The following TMEM131 variants were observed in gnomAD, a reference collection of about 807,000 sequenced individuals.
TMEM131 encodes transmembrane protein 131, also known as 2610524E03Rik.
In TMEM131, 66 loss-of-function variants were observed where a neutral mutation model predicts 211.6. The observed-to-expected ratio is 0.31, with a 90% CI of 0.26 to 0.38. The LOEUF (loss-of-function observed/expected upper bound fraction) is 0.38, where lower values mean the gene tolerates loss of function less well. Ranked by LOEUF, TMEM131 falls within the 10% of genes least tolerant of loss-of-function variation. TMEM131 has a pLI of 1.00. For synonymous variants in TMEM131, 844 were observed against 841.3 expected (o/e 1.00, Z -0.06); for missense variants, 2,036 against 2,299.3 (o/e 0.89, Z 2.34).
At chr2:97,781,903 C>A (rs1404776708) in intron 31 of TMEM131, among the ~76,000 whole-genome samples, 2 of 152,214 alleles carry the variant, frequency 1.3e-5, no homozygotes, top group African/African-American at 4.8e-5. Flanking sequence ...AAGACAAAGG[C>A]TCCAGGCCAA....
intron 3 of TMEM131, among the ~76,000 whole-genome samples, chr2:97,895,607 G>A (rs866301327): frequency 6.6e-6 from 1 of 152,142 alleles, no homozygotes; most frequent in East Asian, 1.9e-4. Context: ...GAGGGTGTAT[G>A]TGTCCAAGAA....
At chr2:97,819,575 T>C (rs942156699) in intron 11 of TMEM131, among the ~76,000 whole-genome samples, 1 of 152,184 alleles carries the variant, frequency 6.6e-6, no homozygotes, top group African/African-American at 2.4e-5. Context: ...TCATCTGACA[T>C]CCTGTTGCAC....
At chr2:97,768,269 T>C (rs1044597765) in intron 33 of TMEM131, among the ~76,000 whole-genome samples, 6 of 152,150 alleles carry the variant, frequency 3.9e-5, no homozygotes, top group African/African-American at 1.4e-4. Context: ...ATAAAATCTT[T>C]TGTATCTCTT....
intron 1 of TMEM131, among the ~76,000 whole-genome samples, chr2:97,968,918 A>G (rs930657667): frequency 1.5e-5 from 1 of 67,718 alleles, no homozygotes; most frequent in Non-Finnish European, 3.3e-5. Context: ...CCTCATCTCT[A>G]CTAAAGAAAA....
intron 26 of TMEM131, 112 bp downstream of exon 26, chr2:97,797,253 C>A: frequency 9.0e-7 from 1 of 1,107,414 alleles, no homozygotes; most frequent in Non-Finnish European, 1.3e-6. Context: ...ATGTTTTGGA[C>A]AAAGTGAATT....
intron 1 of TMEM131, among the ~76,000 whole-genome samples, chr2:97,964,525 T>C (rs1283678191): frequency 6.6e-6 from 1 of 152,240 alleles, no homozygotes; most frequent in African/African-American, 2.4e-5. Flanking sequence ...CAACTAAGAA[T>C]TGGATCTATT....
chr2:97,957,065 C>T (rs1471273863), intron 1 of TMEM131, among the ~76,000 whole-genome samples: 1 of 150,852 alleles, frequency 6.6e-6, no homozygotes, highest in Non-Finnish European at 1.5e-5. Flanking sequence ...CCACTGCACT[C>T]CAGGCTGGGC....
chr2:97,917,947 C>CTT (rs1239831659), intron 2 of TMEM131, among the ~76,000 whole-genome samples: 1 of 146,072 alleles, frequency 6.8e-6, no homozygotes, highest in Non-Finnish European at 1.5e-5. Context: ...TTTTTTCTCT[C>CTT]TTTTTTTTTT....
chr2:97,783,573 G>C (rs2104849193), intron 31 of TMEM131, among the ~76,000 whole-genome samples: 1 of 151,940 alleles, frequency 6.6e-6, no homozygotes, highest in South Asian at 2.1e-4. Flanking sequence ...ATGACCCCAG[G>C]ACCATGAGAA....
intron 1 of TMEM131, among the ~76,000 whole-genome samples, chr2:97,944,994 CAAAA>C (rs1279037727): frequency 3.9e-5 from 6 of 152,068 alleles, no homozygotes; most frequent in African/African-American, 1.4e-4. Context: ...CTTGTGCAAA[CAAAA>C]ACTTATATAC....
intron 2 of TMEM131, among the ~76,000 whole-genome samples, chr2:97,919,695 T>C (rs963523940): frequency 4.6e-5 from 7 of 152,130 alleles, no homozygotes; most frequent in Non-Finnish European, 8.8e-5. Flanking sequence ...CTTAGCCTCC[T>C]GAGTAGCTGG....
At chr2:97,885,141 G>A (rs1675092551) in intron 4 of TMEM131, among the ~76,000 whole-genome samples, 1 of 152,122 alleles carries the variant, frequency 6.6e-6, no homozygotes, top group Non-Finnish European at 1.5e-5. Context: ...AGTCCCTTAA[G>A]CATTTCTTGT....
intron 4 of TMEM131, among the ~76,000 whole-genome samples, chr2:97,860,693 C>CATTTCCATTA (rs1674030991): frequency 6.6e-6 from 1 of 152,176 alleles, no homozygotes; most frequent in Non-Finnish European, 1.5e-5. Flanking sequence ...AAATGGAATG[C>CATTTCCATTA]AGGTGGAAGG....
chr2:97,809,671 T>C lies in TMEM131; in HGVS notation c.2055+17A>G, dbSNP rs1559373059. 2.5e-6 allele frequency: 4 copies of C among 1,592,930 alleles called. No homozygotes were observed. Among genetic ancestry groups the C allele is most frequent in the Middle Eastern group, 1.7e-4 (1 of 6,038 alleles). ...AAAAAACGAGCAATAGAAAAATGTG[T>C]GTATTAATGGTCTTACTGGAAAGGA... On this transcript the variant is annotated intron_variant, in intron 19 of 40. Coordinates refer to ENST00000186436, the MANE Select transcript of TMEM131 (RefSeq NM_015348.2).
intron 40 of TMEM131, 107 bp from the exon 41 acceptor site, chr2:97,757,490 T>C (rs146377433): frequency 1.3e-4 from 154 of 1,224,374 alleles, no homozygotes; most frequent in Non-Finnish European, 1.6e-4. Flanking sequence ...GCATTCCTCT[T>C]ACTTTGTTTA....
rs778716627 is a variant in TMEM131 at position 97,762,055 on chromosome 2, G to A, written c.4869C>T (p.Ile1623=). ...PFVARGSYSS[I]VNSSSSSDPK... ...CCTACCTGCTGGAGCTGCTGTTGAC[G>A]ATGCTGCTGTAGCTGCCCCGGGCCA... The change falls in exon 36 of 41, where the codon ATC becomes ATT. Residue 1623 remains isoleucine (I), a synonymous_variant. Coordinates refer to ENST00000186436, the MANE Select transcript of TMEM131 (RefSeq NM_015348.2). 5.1e-6 allele frequency: 8 copies of A among 1,578,598 alleles called. No individual in the cohort carries two copies. The highest frequency in any genetic ancestry group is 6.9e-6 in the Non-Finnish European group (8 of 1,167,558).
At chr2:97,862,797 G>A (rs1674121722) in intron 4 of TMEM131, among the ~76,000 whole-genome samples, 1 of 152,078 alleles carries the variant, frequency 6.6e-6, no homozygotes, top group South Asian at 2.1e-4. Context: ...GGTAGAGAAG[G>A]AAATAGGGGT....
intron 1 of TMEM131, among the ~76,000 whole-genome samples, chr2:97,934,563 T>C (rs1573578756): frequency 1.3e-5 from 2 of 152,196 alleles, no homozygotes; most frequent in South Asian, 4.1e-4. Context: ...AAAAACAATC[T>C]TCAAAAACAA....
At chr2:97,943,585 T>C (rs997565085) in intron 1 of TMEM131, among the ~76,000 whole-genome samples, 5 of 152,204 alleles carry the variant, frequency 3.3e-5, no homozygotes, top group Admixed American at 1.3e-4. Flanking sequence ...AAAATGGTAA[T>C]ATTCAGATCC....
Sources: gnomAD v4.1 joint callset for allele counts (sites outside exome capture counted in the v4.1 genomes callset) on GRCh38, gnomAD v4.1.1 for gene constraint, MANE v1.5 for transcripts, NCBI Gene and HGNC (gene_info 2026-07-23, HGNC 2026-07-21) for gene names.